The following PRKN variants were observed in gnomAD, a reference collection of about 807,000 sequenced individuals.
The protein encoded by PRKN is E3 ubiquitin-protein ligase parkin.
In PRKN, 56 loss-of-function variants were observed where a neutral mutation model predicts 59.5. That is an observed-to-expected ratio of 0.94 (90% CI 0.76 to 1.18). PRKN has a LOEUF of 1.18. PRKN is among the 50% of genes most tolerant of loss of function. The pLI is 0.00. For missense variants in PRKN, 657 were observed against 596.4 expected (o/e 1.10, Z -1.06); for synonymous variants, 250 against 222.1 (o/e 1.13, Z -1.12).
At chr6:162,691,421 A>C (rs1398714227) in intron 1 of PRKN, among the ~76,000 whole-genome samples, 2 of 152,168 alleles carry the variant, frequency 1.3e-5, no homozygotes, top group Non-Finnish European at 2.9e-5. Flanking sequence ...AACTTTTTGC[A>C]TAATTTCAAG....
Position 161,498,220 on chromosome 6 carries a change from T to A in PRKN, c.1083+50634A>T, listed in dbSNP as rs758540484. Among the ~76,000 whole-genome samples the A allele has an allele frequency of 6.6e-6, 1 of 152,240 alleles. No homozygotes were observed. Among genetic ancestry groups the A allele is most frequent in the African/African-American group, 2.4e-5 (1 of 41,460 alleles). On this transcript the variant is annotated intron_variant, in intron 9 of 11. Transcript: ENST00000366898. The surrounding 1 kb of genome is among the most constrained non-coding windows in gnomAD (Gnocchi z 4.2). ...CCTCTGCTCACCAAGGGGATTTTTA[T>A]TCAGGCTGCAAATCAGTATCATGTT...
intron 1 of PRKN, among the ~76,000 whole-genome samples, chr6:162,614,828 T>C (rs1228921212): frequency 6.6e-6 from 1 of 152,182 alleles, no homozygotes; most frequent in Non-Finnish European, 1.5e-5. Context: ...ATACACAGTT[T>C]AGTTGGTTTT....
intron 2 of PRKN, among the ~76,000 whole-genome samples, chr6:162,382,716 CTCTT>C (rs774924396): frequency 3.9e-5 from 6 of 152,158 alleles, no homozygotes; most frequent in Non-Finnish European, 8.8e-5. Context: ...CACTGATTGG[CTCTT>C]TCTTTCATGA....
At chr6:162,235,958 G>GAAGGAAGGAAGGAAGA (rs1778658214) in intron 3 of PRKN, among the ~76,000 whole-genome samples, 2 of 92,600 alleles carry the variant, frequency 2.2e-5, no homozygotes, top group Admixed American at 1.2e-4. Context: ...AGGAAGAAAG[G>GAAGGAAGGAAGGAAGA]AAGAAAGAAA....
intron 3 of PRKN, among the ~76,000 whole-genome samples, chr6:162,250,325 G>A (rs1439919554): frequency 6.6e-6 from 1 of 152,096 alleles, no homozygotes; most frequent in Non-Finnish European, 1.5e-5. Context: ...TAGAGGCTGA[G>A]ATACCTTGTA....
At chr6:161,799,891 G>T (rs1791009719) in intron 6 of PRKN, among the ~76,000 whole-genome samples, 1 of 152,130 alleles carries the variant, frequency 6.6e-6, no homozygotes, top group Non-Finnish European at 1.5e-5. Context: ...AGGCACTTAG[G>T]TAGGAATGCT....
chr6:161,478,803 G>A (rs1047236031), intron 9 of PRKN, among the ~76,000 whole-genome samples: 15 of 152,308 alleles, frequency 9.8e-5, no homozygotes, highest in Middle Eastern at 3.4e-3. Flanking sequence ...CTCTGATTGT[G>A]CCACTGTACT....
intron 1 of PRKN, among the ~76,000 whole-genome samples, chr6:162,639,810 A>T (rs1360979816): frequency 6.6e-6 from 1 of 152,312 alleles, no homozygotes; most frequent in East Asian, 1.9e-4. Flanking sequence ...CATGGATGCA[A>T]GGCAACAAGA....
intron 9 of PRKN, among the ~76,000 whole-genome samples, chr6:161,431,527 C>T (rs963510856): frequency 3.3e-5 from 5 of 152,044 alleles, no homozygotes; most frequent in Non-Finnish European, 4.4e-5. Flanking sequence ...ATATTTTCCA[C>T]CTCTTATTAA....
chr6:161,588,833 A>G lies in PRKN; in HGVS notation c.872-19417T>C, dbSNP rs1177645706. Among the ~76,000 whole-genome samples the G allele has an allele frequency of 1.3e-5, 2 of 152,206 alleles. No homozygotes were observed. Among genetic ancestry groups the G allele is most frequent in the African/African-American group, 4.8e-5 (2 of 41,458 alleles). ...AGCCTAGGACTGCCAGATTTAGCAA[A>G]TAAAAATACAGGACACCCAGTTAAA... On this transcript the variant is annotated intron_variant, in intron 7 of 11. Coordinates refer to ENST00000366898, the MANE Select transcript of PRKN (RefSeq NM_004562.3). The surrounding 1 kb of genome is among the most constrained non-coding windows in gnomAD (Gnocchi z 5.0).
At position 161,837,109 on chromosome 6, in the gene PRKN, G is replaced by A. The variant is rs537647247; in HGVS notation, c.735-51201C>T. 1.0e-3 allele frequency among the ~76,000 whole-genome samples: 152 copies of A among 152,226 alleles called. 9 individuals are homozygous for A. The South Asian group carries it at 0.031, about 31-fold the overall frequency. On this transcript the variant is annotated intron_variant, in intron 6 of 11. Transcript: ENST00000366898. ...CTGTTAATTTTTCAGCATAGGGGAC[G>A]CTCTGCCTGTGACACCAGATGGAAG...
chr6:161,895,518 TG>T (rs1777582908), intron 6 of PRKN, among the ~76,000 whole-genome samples: 1 of 128,738 alleles, frequency 7.8e-6, no homozygotes, highest in African/African-American at 3.8e-5. Context: ...CCTGCCGTTA[TG>T]CCCCCCAGTG....
Position 162,727,577 on chromosome 6 carries a change from G to A in PRKN, c.7+85C>T, listed in dbSNP as rs540154030. The A allele has an allele frequency of 1.8e-4, 245 of 1,398,142 alleles. 9 individuals are homozygous for A. In the South Asian group the frequency reaches 2.8e-3, roughly 16 times the overall value. The allele number at this position is 1,398,142 out of a possible 1,614,324, so 86.6% of individuals were successfully genotyped here. A position where few individuals can be genotyped will look rare whatever the true frequency, so the allele number is the denominator to read the frequency against. On this transcript the variant is annotated intron_variant, in intron 1 of 11. Coordinates refer to ENST00000366898, the MANE Select transcript of PRKN (RefSeq NM_004562.3). ...CCGTCATTGACAGTTGGCACCGGGGGTCCTGGTCGGCCGAGGCGGGGCGTG... is the reference window on the plus strand; with the variant it reads ...CCGTCATTGACAGTTGGCACCGGGGATCCTGGTCGGCCGAGGCGGGGCGTG...
intron 2 of PRKN, among the ~76,000 whole-genome samples, chr6:162,306,971 T>A (rs191956146): frequency 9.7e-4 from 148 of 152,310 alleles, no homozygotes; most frequent in African/African-American, 3.2e-3. Context: ...AATTAACCAG[T>A]TCTCCAATGT....
intron 4 of PRKN, among the ~76,000 whole-genome samples, chr6:162,150,394 A>G (rs377021993): frequency 6.6e-6 from 1 of 152,132 alleles, no homozygotes; most frequent in Non-Finnish European, 1.5e-5. Flanking sequence ...TGAGGGTACA[A>G]ATGATTTCTT....
At chr6:162,154,932 T>C (rs564473738) in intron 4 of PRKN, among the ~76,000 whole-genome samples, 9 of 149,244 alleles carry the variant, frequency 6.0e-5, no homozygotes, top group Admixed American at 2.7e-4. Flanking sequence ...GTTACCAAAA[T>C]GAAGGACATT....
chr6:161,659,002 A>T (rs1784451260), intron 7 of PRKN, among the ~76,000 whole-genome samples: 2 of 152,236 alleles, frequency 1.3e-5, no homozygotes, highest in Non-Finnish European at 2.9e-5. Context: ...CCTGGAACTC[A>T]TGTTGTGCTG....
At chr6:161,620,594 C>T (rs1782860157) in intron 7 of PRKN, among the ~76,000 whole-genome samples, 1 of 152,092 alleles carries the variant, frequency 6.6e-6, no homozygotes, top group South Asian at 2.1e-4. Context: ...TAGACAGGAA[C>T]ATCAGAGGAA....
At chr6:162,472,220 T>C (rs1489020141) in intron 1 of PRKN, among the ~76,000 whole-genome samples, 8 of 151,638 alleles carry the variant, frequency 5.3e-5, no homozygotes, top group Non-Finnish European at 1.2e-4. Context: ...TTTTTTTTTA[T>C]ATACTTTAAG....
Sources: gnomAD v4.1 joint callset for allele counts (sites outside exome capture counted in the v4.1 genomes callset) on GRCh38, gnomAD v4.1.1 for gene constraint, Gnocchi (gnomAD v3.1) non-coding constraint, MANE v1.5 for transcripts, NCBI Gene and HGNC (gene_info 2026-07-23, HGNC 2026-07-21) for gene names.